The following NRP1 variants were observed in gnomAD, a reference collection of about 807,000 sequenced individuals.
NRP1 encodes neuropilin-1.
Under a neutral mutation model 106.7 loss-of-function variants are expected in NRP1, and 35 were observed. That is an observed-to-expected ratio of 0.33 (90% CI 0.25 to 0.43). The LOEUF (loss-of-function observed/expected upper bound fraction) is 0.43. NRP1 is among the 20% of genes least tolerant of loss of function. The probability of loss-of-function intolerance (pLI) is 1.00; values close to 1 mark genes in which losing one functional copy is unlikely to be tolerated. For missense variants in NRP1, 1,024 were observed against 1,170.4 expected (o/e 0.87, Z 1.83); for synonymous variants, 437 against 417.9 (o/e 1.05, Z -0.56).
chr10:33,243,138 C>T (rs1479378689), intron 6 of NRP1, among the ~76,000 whole-genome samples: 2 of 152,038 alleles, frequency 1.3e-5, no homozygotes, highest in African/African-American at 4.8e-5. Context: ...CACAAAAGCA[C>T]CAAGGAAAAA....
At chr10:33,286,332 G>C (rs575544435) in intron 2 of NRP1, among the ~76,000 whole-genome samples, 1 of 152,318 alleles carries the variant, frequency 6.6e-6, no homozygotes, top group Non-Finnish European at 1.5e-5. Context: ...CTGTGTCACA[G>C]AGGGAAGGAT....
At chr10:33,209,020 T>G (rs1838058416) in intron 9 of NRP1, among the ~76,000 whole-genome samples, 1 of 150,654 alleles carries the variant, frequency 6.6e-6, no homozygotes, top group Non-Finnish European at 1.5e-5. Context: ...GATTCTCCTG[T>G]CTCAGCCTCC....
chr10:33,303,997 A>C (rs1465256423), intron 2 of NRP1, among the ~76,000 whole-genome samples: 1 of 152,204 alleles, frequency 6.6e-6, no homozygotes, highest in Non-Finnish European at 1.5e-5. Context: ...ATTTTTTCCC[A>C]AATCTTGAGA....
intron 7 of NRP1, among the ~76,000 whole-genome samples, chr10:33,225,662 C>G (rs746933065): frequency 2.6e-5 from 4 of 152,148 alleles, no homozygotes; most frequent in Admixed American, 2.0e-4. Context: ...TGGTTCCACG[C>G]GTTCTTACAA....
intron 12 of NRP1, among the ~76,000 whole-genome samples, chr10:33,192,808 C>T (rs1428880965): frequency 2.0e-5 from 3 of 152,166 alleles, no homozygotes; most frequent in African/African-American, 7.2e-5. Flanking sequence ...TTGATACCCA[C>T]CAATGAAAAG....
At chr10:33,189,540 A>G (rs1010217141) in intron 13 of NRP1, among the ~76,000 whole-genome samples, 3 of 152,140 alleles carry the variant, frequency 2.0e-5, no homozygotes, top group Non-Finnish European at 4.4e-5. Context: ...TTACACGTGT[A>G]TTTCCAGTGC....
At chr10:33,249,732 G>A (rs1285978252) in intron 6 of NRP1, among the ~76,000 whole-genome samples, 1 of 152,150 alleles carries the variant, frequency 6.6e-6, no homozygotes, top group African/African-American at 2.4e-5. Flanking sequence ...GATATGAAGT[G>A]GCTTTTTGAG....
At chr10:33,328,823 C>A (rs1291127616) in intron 2 of NRP1, among the ~76,000 whole-genome samples, 5 of 152,200 alleles carry the variant, frequency 3.3e-5, no homozygotes, top group African/African-American at 1.2e-4. Context: ...TTTACCACCA[C>A]ATCACTGCCA....
chr10:33,263,684 C>A lies in NRP1; in HGVS notation c.620G>T (p.Arg207Leu). 2.5e-6 allele frequency: 4 copies of A among 1,613,906 alleles called. No homozygotes were observed. Among genetic ancestry groups the A allele is most frequent in the South Asian group, 1.1e-5 (1 of 91,068 alleles). The change falls in exon 4 of 17, where the codon CGC becomes CTC. Residue 207 changes from arginine (R) to leucine (L), a missense_variant. By Grantham distance (102) the Arg-to-Leu change is moderately radical. Around this residue, in one of 5 missense-constraint regions of NRP1, gnomAD observed 279 missense variants for 327.4 expected, o/e 0.85. Coordinates refer to ENST00000374867, the MANE Select transcript of NRP1 (RefSeq NM_003873.7). ...DSNPPGGMFC[R>L]YDRLEIWDGF... ...ATCCCAGATTTCTAGCCGGTCGTAG[C>A]GACAGAACATCCCCCCTGGAGGATT...
chr10:33,266,904 C>A (rs951761674), intron 3 of NRP1, among the ~76,000 whole-genome samples: 2 of 151,944 alleles, frequency 1.3e-5, no homozygotes, highest in Admixed American at 1.3e-4. Context: ...TAGTGGCGGG[C>A]GCCTGTAGTC....
At chr10:33,215,159 A>G (rs1309455645) in intron 8 of NRP1, among the ~76,000 whole-genome samples, 1 of 152,164 alleles carries the variant, frequency 6.6e-6, no homozygotes, top group Non-Finnish European at 1.5e-5. Context: ...TTGATTTTCT[A>G]TTACTGACAA....
chr10:33,206,875 G>C (rs1837829603), intron 10 of NRP1, among the ~76,000 whole-genome samples: 1 of 152,208 alleles, frequency 6.6e-6, no homozygotes, highest in Non-Finnish European at 1.5e-5. Context: ...TGCGTGGACT[G>C]AATTTGTACT....
chr10:33,212,618 T>G (rs1474988287), intron 9 of NRP1: 1 of 152,930 alleles, frequency 6.5e-6, no homozygotes, highest in Admixed American at 6.5e-5. Context: ...ACTGTTGAAC[T>G]GCACACTAAA....
At chr10:33,213,246 G>A (rs1272557951) in intron 9 of NRP1, 140 bp downstream of exon 9, 7 of 1,600,218 alleles carry the variant, frequency 4.4e-6, no homozygotes, top group South Asian at 3.3e-5. Flanking sequence ...AGAATCAAGG[G>A]TCTTACTGAC....
chr10:33,281,817 GGAGAGAAGGA>G (rs1056788794), intron 2 of NRP1, among the ~76,000 whole-genome samples: 2 of 152,198 alleles, frequency 1.3e-5, no homozygotes, highest in Non-Finnish European at 2.9e-5. Context: ...GTTGGGATAT[GGAGAGAAGGA>G]GAGAGACAAA....
intron 3 of NRP1, 64 bp downstream of exon 3, chr10:33,270,611 G>C: frequency 7.1e-7 from 1 of 1,410,026 alleles, no homozygotes; most frequent in Non-Finnish European, 9.6e-7. Flanking sequence ...ACAGGGGTGA[G>C]CCACCACACT....
intron 2 of NRP1, among the ~76,000 whole-genome samples, chr10:33,272,706 T>A (rs868398362): frequency 6.6e-6 from 1 of 152,142 alleles, no homozygotes; most frequent in Non-Finnish European, 1.5e-5. Flanking sequence ...ACAAGGCAGG[T>A]TTGCATGTTT....
chr10:33,300,834 G>A (rs1405933561), intron 2 of NRP1, among the ~76,000 whole-genome samples: 3 of 152,122 alleles, frequency 2.0e-5, no homozygotes, highest in Non-Finnish European at 4.4e-5. Context: ...CTGAACCAAT[G>A]TTCATCTTAC....
chr10:33,326,841 A>T (rs946364195), intron 2 of NRP1, among the ~76,000 whole-genome samples: 1 of 152,214 alleles, frequency 6.6e-6, no homozygotes, highest in African/African-American at 2.4e-5. Flanking sequence ...GAATTAACTC[A>T]TGAACTGGGT....
Sources: allele counts gnomAD v4.1 joint callset (sites outside exome capture counted in the v4.1 genomes callset), GRCh38; gene constraint gnomAD v4.1.1; regional missense constraint gnomAD v4.1.1; transcripts MANE v1.5; gene names NCBI Gene and HGNC (gene_info 2026-07-23, HGNC 2026-07-21).